Variants in SETD5 observed in about 807,000 individuals in gnomAD.
The protein encoded by SETD5 is histone-lysine N-methyltransferase SETD5.
In SETD5, 44 loss-of-function variants were observed where a neutral mutation model predicts 153.3. The observed-to-expected ratio is 0.29, with a 90% CI of 0.23 to 0.37. The LOEUF (loss-of-function observed/expected upper bound fraction) is 0.37. SETD5 is among the 10% of genes least tolerant of loss of function. The probability of loss-of-function intolerance (pLI) is 1.00; values close to 1 mark genes in which losing one functional copy is unlikely to be tolerated. For missense variants in SETD5, 1,544 were observed against 1,768.0 expected, an observed-to-expected ratio of 0.87 and a Z score of 2.27; for synonymous variants, 716 against 645.2, an observed-to-expected ratio of 1.11 and a Z score of -1.66.
At position 9,455,168 on chromosome 3, in the gene SETD5, C is replaced by CTTTTTTTTTTTTTTTTTT. The variant is rs903600741; in HGVS notation, c.2476+1305_2476+1322dup. Among the ~76,000 whole-genome samples, 164 of 99,882 alleles carry CTTTTTTTTTTTTTTTTTT rather than the reference C, an allele frequency of 1.6e-3. 1 individual carries two copies. Among genetic ancestry groups the CTTTTTTTTTTTTTTTTTT allele is most frequent in the Middle Eastern group, 6.0e-3 (1 of 168 alleles). The allele number at this position is 99,882 out of a possible 152,430, so 65.5% of individuals were successfully genotyped here. On this transcript the variant is annotated intron_variant, in intron 17 of 22. Transcript: ENST00000402198. The stretch of plus-strand genomic sequence containing the variant: ...GTGAATTGCCTTTTTTTCTTTTTTT[C>CTTTTTTTTTTTTTTTTTT]TTTTTTTTTTTTTTTTTTTTTTGAA...
At chr3:9,456,480 T>TAAAAAA (rs369657820) in intron 17 of SETD5, among the ~76,000 whole-genome samples, 2 of 121,784 alleles carry the variant, frequency 1.6e-5, no homozygotes, top group African/African-American at 2.9e-5. Context: ...CTTTAAAACT[T>TAAAAAA]AAAAAAAAAA....
intron 17 of SETD5, among the ~76,000 whole-genome samples, chr3:9,459,242 TA>T (rs2043632052): frequency 1.3e-5 from 2 of 152,158 alleles, no homozygotes; most frequent in Non-Finnish European, 2.9e-5. Context: ...TCTTAGTTAT[TA>T]ACAATTGCAA....
chr3:9,401,750 G>C (rs2034818820), intron 1 of SETD5, among the ~76,000 whole-genome samples: 1 of 152,144 alleles, frequency 6.6e-6, no homozygotes, highest in South Asian at 2.1e-4. Flanking sequence ...ATAATTTTTG[G>C]CTGAACTCTG....
chr3:9,447,141 G>C lies in SETD5; in HGVS notation c.1616G>C (p.Ser539Thr), dbSNP rs771457690. 6.2e-7 allele frequency: 1 copy of C among 1,614,000 alleles called. No individual in the cohort carries two copies. The highest frequency in any genetic ancestry group is 8.5e-7 in the Non-Finnish European group (1 of 1,179,892). ...KKRRDQPLEQ[S>T]NSDVEITTTT... is the part of the protein sequence containing the mutation. ...CGGCGGGATCAGCCCTTGGAACAGA[G>C]CAACTCTGATGTAGAGATTACTACA... The change falls in exon 14 of 23, where the codon AGC (serine) becomes ACC (threonine). Residue 539 changes from serine to threonine, a missense_variant. Transcript: ENST00000402198.
chr3:9,433,051 T>C (rs1401580611), intron 3 of SETD5, among the ~76,000 whole-genome samples: 1 of 152,234 alleles, frequency 6.6e-6, no homozygotes, highest in Non-Finnish European at 1.5e-5. Flanking sequence ...ATGGAGTATA[T>C]ACCATGTTTA....
intron 18 of SETD5, 97 bp downstream of exon 18, chr3:9,464,769 A>G (rs1360134235): frequency 1.5e-5 from 24 of 1,575,460 alleles, no homozygotes; most frequent in African/African-American, 2.7e-5. Flanking sequence ...TTTCTTTACT[A>G]TCTTTCTTCC....
rs1228372151 is a variant in SETD5, at chr3:9,464,632, T to C, written c.2684T>C (p.Leu895Pro). Residue 895 changes from leucine (L) to proline (P), a missense_variant, in exon 18 of 23, where the codon CTT (leucine) becomes CCT (proline). By Grantham distance (98) the Leu-to-Pro change is moderately conservative. Around this residue, in one of 9 missense-constraint regions of SETD5, gnomAD observed 782 missense variants for 787.2 expected, o/e 0.99. Transcript: ENST00000402198. ...YSLMFSPVTS[L>P]TTASRCNTPL... is the part of the protein sequence containing the mutation. ...CTCATGTTTTCACCAGTCACATCTC[T>C]TACTACTGCTAGTCGCTGCAACACT... 3 of 1,613,896 alleles carry C rather than the reference T, an allele frequency of 1.9e-6. No individual in the cohort carries two copies. Among genetic ancestry groups the C allele is most frequent in the Non-Finnish European group, 2.5e-6 (3 of 1,179,884 alleles).
intron 1 of SETD5, among the ~76,000 whole-genome samples, chr3:9,422,452 A>G (rs1305282836): frequency 6.6e-6 from 1 of 152,224 alleles, no homozygotes; most frequent in African/African-American, 2.4e-5. Context: ...TAGATTTCAG[A>G]GCAGTTTTTA....
Position 9,428,872 on chromosome 3 carries a change from ACT to A in SETD5, c.-63_-62del. 1 of 1,179,060 alleles carries A rather than the reference ACT, an allele frequency of 8.5e-7. No individual in the cohort carries two copies. The highest frequency in any genetic ancestry group is 1.9e-4 in the Middle Eastern group (1 of 5,176). The allele number at this position is 1,179,060 out of a possible 1,614,324, so 73.0% of individuals were successfully genotyped here. A position where few individuals can be genotyped will look rare whatever the true frequency, so the allele number is the denominator to read the frequency against. On this transcript the variant is annotated 5_prime_UTR_variant, in exon 3 of 23. An upstream open reading frame in the 5' UTR gains an earlier in-frame stop. Coordinates refer to ENST00000402198, the MANE Select transcript of SETD5 (RefSeq NM_001080517.3). ...GGATGAGGCTCTGCAGCTCACCCCC[ACT>A]CTCAGAGTGGTCAGTCTCCATTAAT...
In SETD5 at chr3:9,473,226, T is replaced by C; in HGVS notation, c.3196-10T>C. The C allele has an allele frequency of 6.2e-7, 1 of 1,606,580 alleles. No homozygotes were observed. Among genetic ancestry groups the C allele is most frequent in the Middle Eastern group, 1.7e-4 (1 of 6,028 alleles). ...TACCGTTTTTTGTTTGTTTGTTTTT[T>C]CCTTTCTAGGTATCCCTGCTGGAGT... On this transcript the variant is annotated splice_polypyrimidine_tract_variant and intron_variant, in intron 19 of 22. Transcript: ENST00000402198.
At chr3:9,431,682 A>G (rs1188057249) in intron 3 of SETD5, 5 of 985,680 alleles carry the variant, frequency 5.1e-6, no homozygotes, top group East Asian at 1.1e-4. Context: ...AACCTCCACA[A>G]TATACATTTT....
intron 13 of SETD5, among the ~76,000 whole-genome samples, chr3:9,446,396 T>C (rs1210904606): frequency 6.6e-6 from 1 of 151,926 alleles, no homozygotes; most frequent in Non-Finnish European, 1.5e-5. Context: ...TTTTTGTGAG[T>C]TCTGAAGTTT....
rs1318402829 is a variant in SETD5, at chr3:9,475,805, C to T, written c.4043C>T (p.Thr1348Ile). 8 of 1,613,916 alleles carry T rather than the reference C, an allele frequency of 5.0e-6. No homozygotes were observed. Among genetic ancestry groups the T allele is most frequent in the Non-Finnish European group, 6.8e-6 (8 of 1,179,910 alleles). The change falls in exon 23 of 23, where the codon ACC (threonine) becomes ATC (isoleucine). Residue 1348 changes from threonine to isoleucine, a missense_variant. This residue lies in a region of SETD5 where 302 missense variants were observed against 277.6 expected (regional missense o/e 1.09). Transcript: ENST00000402198. ...RSCPSSAASP[T>I]LQGPSDSPTS... is the part of the protein sequence containing the mutation. Reference sequence around the variant, plus strand: ...TGCCCTTCTAGTGCTGCTAGCCCTACCCTGCAGGGACCCTCAGACTCGCCA... The same window carrying T: ...TGCCCTTCTAGTGCTGCTAGCCCTATCCTGCAGGGACCCTCAGACTCGCCA...
intron 15 of SETD5, 29 bp from the exon 16 acceptor site, chr3:9,448,359 A>G: frequency 6.2e-7 from 1 of 1,608,840 alleles, no homozygotes; most frequent in South Asian, 1.1e-5. Flanking sequence ...CTCTTGATTT[A>G]TAAACTAATG....
rs35894304 is a variant in SETD5, at chr3:9,467,199, C to CAA, written c.2724+2551_2724+2552dup. Among the ~76,000 whole-genome samples, 388 of 40,572 alleles carry CAA rather than the reference C, an allele frequency of 9.6e-3. 8 individuals are homozygous for CAA. Among genetic ancestry groups the CAA allele is most frequent in the East Asian group, 0.016 (24 of 1,466 alleles). 26.6% of individuals were successfully genotyped at this position (40,572 alleles called of 152,430 possible). A position where few individuals can be genotyped will look rare whatever the true frequency, so the allele number is the denominator to read the frequency against. On this transcript the variant is annotated intron_variant, in intron 18 of 22. Coordinates refer to ENST00000402198, the MANE Select transcript of SETD5 (RefSeq NM_001080517.3). ...TGGGCAACAGAGGGAGACTCTCTCT[C>CAA]AAAAAAAAAAAAAAAAAAAAAAAAA...
chr3:9,473,790 T>A (rs1003095311), intron 20 of SETD5, among the ~76,000 whole-genome samples: 1 of 152,230 alleles, frequency 6.6e-6, no homozygotes, highest in Non-Finnish European at 1.5e-5. Flanking sequence ...TGGATGCAGA[T>A]GAGCTCTTTC....
At chr3:9,444,468 T>TTAG (rs1474891513) in intron 11 of SETD5, among the ~76,000 whole-genome samples, 3 of 152,134 alleles carry the variant, frequency 2.0e-5, no homozygotes, top group Non-Finnish European at 2.9e-5. Context: ...ACATCAGACT[T>TTAG]TATCATTGAT....
intron 1 of SETD5, among the ~76,000 whole-genome samples, chr3:9,420,684 G>A (rs1403630837): frequency 1.3e-5 from 2 of 151,894 alleles, no homozygotes; most frequent in African/African-American, 2.4e-5. Flanking sequence ...TTCTTTGCTT[G>A]CATTAACTTG....
At chr3:9,457,384 G>T (rs899195789) in intron 17 of SETD5, among the ~76,000 whole-genome samples, 2 of 152,070 alleles carry the variant, frequency 1.3e-5, no homozygotes, top group African/African-American at 4.8e-5. Context: ...CTACTCGGGG[G>T]GCTGAGGCAG....
Sources: allele counts gnomAD v4.1 joint callset (sites outside exome capture counted in the v4.1 genomes callset), GRCh38; gene constraint gnomAD v4.1.1; regional missense constraint gnomAD v4.1.1; transcripts MANE v1.5; gene names NCBI Gene and HGNC (gene_info 2026-07-23, HGNC 2026-07-21).